The following CCDC158 variants were observed in gnomAD, a reference collection of about 807,000 sequenced individuals.
CCDC158 encodes the protein coiled-coil domain-containing protein 158.
A neutral mutation model predicts 138.6 loss-of-function variants in CCDC158; 116 were observed. That is an observed-to-expected ratio of 0.84 (90% CI 0.72 to 0.98). The LOEUF (loss-of-function observed/expected upper bound fraction) is 0.98, where lower values mean the gene tolerates loss of function less well. Among genes scored for constraint, CCDC158 ranks in the 50% least tolerant of loss-of-function variants. The probability of loss-of-function intolerance (pLI) is 0.00; values close to 1 mark genes in which losing one functional copy is unlikely to be tolerated. For missense variants in CCDC158, 1,265 were observed against 1,306.1 expected, an observed-to-expected ratio of 0.97 and a Z score of 0.48; for synonymous variants, 436 against 442.4, an observed-to-expected ratio of 0.99 and a Z score of 0.18.
intron 24 of CCDC158, 78 bp downstream of exon 24, chr4:76,323,224 T>C (rs1357715566): frequency 9.6e-7 from 1 of 1,037,492 alleles, no homozygotes; most frequent in Non-Finnish European, 1.5e-6. Context: ...AGCAGGTCTA[T>C]AGACAGGAGG....
chr4:76,406,317 C>T (rs545771252), intron 2 of CCDC158, among the ~76,000 whole-genome samples: 191 of 152,260 alleles, frequency 1.3e-3, no homozygotes, highest in African/African-American at 4.4e-3. Flanking sequence ...ACAGCAATCA[C>T]TTGGATAAAG....
rs114885707 is a variant in CCDC158, at chr4:76,382,038, A to G, written c.914+572T>C. 6.0e-3 allele frequency among the ~76,000 whole-genome samples: 914 copies of G among 152,342 alleles called. 8 individuals are homozygous for G. The highest frequency in any genetic ancestry group is 0.021 in the African/African-American group (877 of 41,576). The stretch of plus-strand genomic sequence containing the variant: ...GATATTTGGGATATTACAAATCTGA[A>G]TTGTAATCACCATGTGTCAGGGGAG... On this transcript the variant is annotated intron_variant, in intron 8 of 24. Coordinates refer to ENST00000682701, the MANE Select transcript of CCDC158 (RefSeq NM_001394954.1).
rs1724837539 is a variant in CCDC158, at chr4:76,367,796, G to T, written c.1348-20C>A. ...TGCCATCTGATTGTTAAAGAAAAGA[G>T]AATTTCATAGATTTGGGAGGATAGG... On this transcript the variant is annotated intron_variant, in intron 11 of 24. Transcript: ENST00000682701. 1 of 1,579,846 alleles carries T rather than the reference G, an allele frequency of 6.3e-7. No individual in the cohort carries two copies. The highest frequency in any genetic ancestry group is 1.4e-5 in the African/African-American group (1 of 73,914).
chr4:76,355,578 G>A (rs910325860), intron 14 of CCDC158, 142 bp from the exon 15 acceptor site: 5 of 641,914 alleles, frequency 7.8e-6, no homozygotes, highest in South Asian at 1.9e-5. Context: ...GATCATGGAC[G>A]AATGTCTTCG....
intron 18 of CCDC158, among the ~76,000 whole-genome samples, chr4:76,349,648 A>T (rs1722873523): frequency 2.0e-5 from 3 of 152,216 alleles, no homozygotes. Context: ...AGCCTCAGTG[A>T]CAGAGCAAGA....
At chr4:76,393,778 T>C (rs1044292292) in intron 4 of CCDC158, among the ~76,000 whole-genome samples, 1 of 151,990 alleles carries the variant, frequency 6.6e-6, no homozygotes, top group African/African-American at 2.4e-5. Flanking sequence ...CAAACAACTC[T>C]ATAGGAAAAA....
chr4:76,338,806 G>A (rs1044133603), intron 18 of CCDC158, among the ~76,000 whole-genome samples: 9 of 152,102 alleles, frequency 5.9e-5, no homozygotes, highest in African/African-American at 2.2e-4. Flanking sequence ...CTGCACACTT[G>A]TCTCAGTCAG....
chr4:76,356,372 G>GT lies in CCDC158; in HGVS notation c.2174-937dup, dbSNP rs3041128. On this transcript the variant is annotated intron_variant, in intron 14 of 24. Transcript: ENST00000682701. ...TGAAAGGAAATTTTCTAAAACAAATGTTTTTTTTTTTATTTTAAGCTGATT... is the reference window on the plus strand; with the variant it reads ...TGAAAGGAAATTTTCTAAAACAAATGTTTTTTTTTTTTATTTTAAGCTGATT... Among the ~76,000 whole-genome samples the GT allele has an allele frequency of 2.9e-3, 437 of 151,140 alleles. 2 individuals carry two copies. The highest frequency in any genetic ancestry group is 9.6e-3 in the African/African-American group (395 of 41,220).
intron 22 of CCDC158, 72 bp downstream of exon 22, chr4:76,328,828 C>T: frequency 1.6e-6 from 2 of 1,212,338 alleles, no homozygotes; most frequent in Non-Finnish European, 1.2e-6. Flanking sequence ...ACTGCAATGA[C>T]TTTGGCTTTT....
At chr4:76,364,058 G>A (rs753602162) in intron 12 of CCDC158, among the ~76,000 whole-genome samples, 4 of 152,256 alleles carry the variant, frequency 2.6e-5, no homozygotes, top group South Asian at 4.1e-4. Context: ...GAAACCCCCA[G>A]CATGGCATGC....
At chr4:76,321,694 G>GGT (rs1720023887) in intron 24 of CCDC158, among the ~76,000 whole-genome samples, 1 of 142,102 alleles carries the variant, frequency 7.0e-6, no homozygotes, top group Admixed American at 7.2e-5. Flanking sequence ...ATATTTACAT[G>GGT]GTGTGTGTAT....
chr4:76,394,569 C>T (rs1402124003), intron 4 of CCDC158, among the ~76,000 whole-genome samples: 1 of 151,904 alleles, frequency 6.6e-6, no homozygotes, highest in African/African-American at 2.4e-5. Context: ...TTTGATAGCA[C>T]AACAGGGTGA....
chr4:76,351,691 G>C (rs372527938), intron 17 of CCDC158, 29 bp downstream of exon 17: 2 of 1,373,622 alleles, frequency 1.5e-6, no homozygotes, highest in Non-Finnish European at 1.0e-6. Context: ...CATTATTTTC[G>C]CTTAAACTAA....
intron 18 of CCDC158, among the ~76,000 whole-genome samples, chr4:76,334,651 T>C (rs1436327960): frequency 1.3e-5 from 2 of 152,198 alleles, no homozygotes; most frequent in Non-Finnish European, 1.5e-5. Flanking sequence ...ACTGTGTTAG[T>C]TGGTGTTTAA....
chr4:76,323,521 T>C (rs1034721376), intron 23 of CCDC158, 112 bp from the exon 24 acceptor site: 15 of 716,220 alleles, frequency 2.1e-5, no homozygotes, highest in African/African-American at 7.2e-5. Flanking sequence ...GAACTTTTTT[T>C]CATGACAAAT....
chr4:76,372,787 T>C (rs1725362146), intron 9 of CCDC158, among the ~76,000 whole-genome samples: 1 of 152,188 alleles, frequency 6.6e-6, no homozygotes, highest in Non-Finnish European at 1.5e-5. Context: ...AGCTGTTTGA[T>C]CTGTTTGAAT....
At chr4:76,346,311 A>C (rs545643793) in intron 18 of CCDC158, among the ~76,000 whole-genome samples, 1 of 152,376 alleles carries the variant, frequency 6.6e-6, no homozygotes, top group African/African-American at 2.4e-5. Context: ...AATACCATTC[A>C]GGACATAGGC....
At chr4:76,352,598 G>A (rs1723157300) in intron 16 of CCDC158, 1 of 152,276 alleles carries the variant, frequency 6.6e-6, no homozygotes, top group Admixed American at 6.5e-5. Context: ...AGAGTTTCTA[G>A]GTGACAGGAA....
rs184621092 is a variant in CCDC158, at chr4:76,414,941, C to T, written c.-116-2809G>A. 2.6e-3 allele frequency among the ~76,000 whole-genome samples: 397 copies of T among 152,194 alleles called. 2 individuals are homozygous for T. The highest frequency in any genetic ancestry group is 8.6e-3 in the African/African-American group (358 of 41,526). ...CTGAAAAGATACCAGAAAATGTGGA[C>T]GCGACTTTGCAACTGGGTAACAGGC... is the stretch of plus-strand genomic sequence containing the variant. On this transcript the variant is annotated intron_variant, in intron 1 of 24. Transcript: ENST00000682701.
Sources: gnomAD v4.1 joint callset for allele counts (sites outside exome capture counted in the v4.1 genomes callset) on GRCh38, gnomAD v4.1.1 for gene constraint, MANE v1.5 for transcripts, NCBI Gene and HGNC (gene_info 2026-07-23, HGNC 2026-07-21) for gene names.